Variants in BLNK observed in about 807,000 individuals in gnomAD.
BLNK encodes B cell linker.
BLNK carries 29 observed loss-of-function variants against 73.5 expected under a neutral mutation model. The ratio of observed to expected loss-of-function variants is 0.39; its 90% CI spans 0.29 to 0.54. The LOEUF is 0.54. Among genes scored for constraint, BLNK ranks in the 20% least tolerant of loss-of-function variants. The pLI, the probability that BLNK is intolerant of heterozygous loss-of-function variation, is 0.61. For missense variants in BLNK, 460 were observed against 562.8 expected (o/e 0.82, Z 1.85); for synonymous variants, 176 against 200.8 (o/e 0.88, Z 1.04).
At chr10:96,237,978 T>A (rs1842757657) in intron 3 of BLNK, among the ~76,000 whole-genome samples, 1 of 152,086 alleles carries the variant, frequency 6.6e-6, no homozygotes, top group Non-Finnish European at 1.5e-5. Context: ...CAGAACAGAG[T>A]CAATACTCAA....
At chr10:96,271,211 C>A in intron 1 of BLNK, 141 bp downstream of exon 1, 1 of 904,656 alleles carries the variant, frequency 1.1e-6, no homozygotes, top group Non-Finnish European at 1.8e-6. Context: ...TCCCTAAAAG[C>A]TCAGTCCACT....
chr10:96,222,733 A>G (rs953045659), intron 6 of BLNK, among the ~76,000 whole-genome samples: 33 of 152,298 alleles, frequency 2.2e-4, no homozygotes, highest in African/African-American at 7.2e-4. Context: ...CAGACTAGCT[A>G]TCTCCATTGT....
At position 96,190,201 on chromosome 10, in the gene BLNK, T is replaced by C. The variant is rs1204717006; in HGVS notation, c.*1772A>G. ...CTGGGCCTCAGGGGGCTCACGTCCATGTCCATCGAATCTTCCATCAGGTGG... is the reference window on the plus strand; with the variant it reads ...CTGGGCCTCAGGGGGCTCACGTCCACGTCCATCGAATCTTCCATCAGGTGG... On this transcript the variant is annotated 3_prime_UTR_variant, in exon 17 of 17. Coordinates refer to ENST00000224337, the MANE Select transcript of BLNK (RefSeq NM_013314.4). The C allele has an allele frequency of 2.6e-6, 2 of 777,038 alleles. No individual in the cohort carries two copies. The highest frequency in any genetic ancestry group is 3.4e-5 in the African/African-American group (2 of 59,178). 48.1% of individuals were successfully genotyped at this position (777,038 alleles called of 1,614,324 possible). A position where few individuals can be genotyped will look rare whatever the true frequency, so the allele number is the denominator to read the frequency against.
chr10:96,190,125 C>A lies in BLNK; in HGVS notation c.*1848G>T. ...GGTGCTCATTTTCATCATTATCCAC[C>A]TTAAAGTGATCATCTTTGTCGGCCT... On this transcript the variant is annotated 3_prime_UTR_variant, in exon 17 of 17. Coordinates refer to ENST00000224337, the MANE Select transcript of BLNK (RefSeq NM_013314.4). The A allele has an allele frequency of 1.0e-6, 1 of 998,012 alleles. No homozygotes were observed. The highest frequency in any genetic ancestry group is 1.3e-5 in the South Asian group (1 of 78,870). 61.8% of individuals were successfully genotyped at this position (998,012 alleles called of 1,614,324 possible).
chr10:96,204,538 G>T lies in BLNK; in HGVS notation c.896C>A (p.Ala299Asp). Residue 299 changes from alanine (A) to aspartate (D), a missense_variant, in exon 12 of 17, where the codon GCC becomes GAC. Around this residue, in one of 3 missense-constraint regions of BLNK, gnomAD observed 233 missense variants for 232.1 expected, o/e 1.00. Coordinates refer to ENST00000224337, the MANE Select transcript of BLNK (RefSeq NM_013314.4). ...EAVQSPVFPP[A>D]QKQIHQKPIP... ...TAAAGGAAAGGATTCTTACTTCTGG[G>T]CAGGAGGAAACACTGGTGACTGCAC... 2.5e-6 allele frequency: 4 copies of T among 1,613,966 alleles called. No individual in the cohort carries two copies. Among genetic ancestry groups the T allele is most frequent in the Non-Finnish European group, 2.5e-6 (3 of 1,179,880 alleles).
chr10:96,254,780 G>A (rs544712171), intron 1 of BLNK, among the ~76,000 whole-genome samples: 72 of 152,240 alleles, frequency 4.7e-4, no homozygotes, highest in African/African-American at 1.7e-3. Context: ...CAAATTGCTG[G>A]GATTACAGGC....
chr10:96,237,032 G>A (rs587626467), intron 3 of BLNK, among the ~76,000 whole-genome samples: 111 of 152,160 alleles, frequency 7.3e-4, no homozygotes, highest in African/African-American at 2.6e-3. Flanking sequence ...GCTTGGGTTG[G>A]GCAATCCTTC....
chr10:96,254,667 C>T (rs1423277258), intron 1 of BLNK, among the ~76,000 whole-genome samples: 6 of 152,158 alleles, frequency 3.9e-5, no homozygotes, highest in African/African-American at 7.2e-5. Context: ...CCTGCCACCA[C>T]GCCTGGCTAA....
chr10:96,216,680 C>T lies in BLNK; in HGVS notation c.580G>A (p.Glu194Lys). Residue 194 changes from glutamate to lysine, a missense_variant, in exon 7 of 17, where the codon GAA (glutamate) becomes AAA (lysine). Glu to Lys is a moderately conservative substitution (Grantham distance 56). Around this residue, in one of 3 missense-constraint regions of BLNK, gnomAD observed 233 missense variants for 232.1 expected, o/e 1.00. Transcript: ENST00000224337. ...TTTTCAGGTGGAGGTGAACTGCTTT[C>T]TGTGGGATGAATATAGTTTTCATCA... ...DNDENYIHPTESSSPPPEKAP... is the reference protein window; with the variant it reads ...DNDENYIHPTKSSSPPPEKAP... 2 of 1,614,122 alleles carry T rather than the reference C, an allele frequency of 1.2e-6. No individual in the cohort carries two copies. The highest frequency in any genetic ancestry group is 8.5e-7 in the Non-Finnish European group (1 of 1,179,998).
intron 12 of BLNK, 61 bp from the exon 13 acceptor site, chr10:96,204,149 T>C: frequency 6.5e-7 from 1 of 1,543,528 alleles, no homozygotes; most frequent in Non-Finnish European, 9.0e-7. Flanking sequence ...GTTTGACTTT[T>C]TGTTTACACT....
In BLNK at chr10:96,191,070, G is replaced by A. The variant is rs2083320837; in HGVS notation, c.*903C>T. Among the ~76,000 whole-genome samples, 1 of 152,084 alleles carries A rather than the reference G, an allele frequency of 6.6e-6. No homozygotes were observed. The highest frequency in any genetic ancestry group is 2.4e-5 in the African/African-American group (1 of 41,404). ...CGGGCAGGTTTTCCCATGTTGTTGT[G>A]ATAGTGAGTAAGTCTCATGAGATCT... is the stretch of plus-strand genomic sequence containing the variant. On this transcript the variant is annotated 3_prime_UTR_variant, in exon 17 of 17. Transcript: ENST00000224337.
chr10:96,236,309 A>C (rs782056629), intron 3 of BLNK, among the ~76,000 whole-genome samples: 11 of 152,234 alleles, frequency 7.2e-5, no homozygotes, highest in African/African-American at 2.6e-4. Context: ...GCAGCAGGAC[A>C]CAGAAGGAAG....
intron 3 of BLNK, among the ~76,000 whole-genome samples, chr10:96,240,162 T>G (rs183061575): frequency 1.3e-5 from 2 of 152,332 alleles, no homozygotes; most frequent in Admixed American, 1.3e-4. Flanking sequence ...CTGTTTGCTT[T>G]CTTGTTTCTT....
At chr10:96,249,565 T>C (rs1591357131) in intron 1 of BLNK, among the ~76,000 whole-genome samples, 1 of 152,360 alleles carries the variant, frequency 6.6e-6, no homozygotes, top group East Asian at 1.9e-4. Flanking sequence ...GGGAGATTGC[T>C]CAAACGTAAA....
rs78704458 is a variant in BLNK at position 96,271,306 on chromosome 10, G to T, written c.47+46C>A. 2,104 of 1,595,286 alleles carry T rather than the reference G, an allele frequency of 1.3e-3. 28 individuals carry two copies. The African/African-American group carries it at 0.026, about 20-fold the overall frequency. On this transcript the variant is annotated intron_variant, in intron 1 of 16. Coordinates refer to ENST00000224337, the MANE Select transcript of BLNK (RefSeq NM_013314.4). ...CTGAGATGCCATAAGAGCACTGGGGGGAAAAAAAGGAGATGAAGAAGGGTA... is the reference window on the plus strand; with the variant it reads ...CTGAGATGCCATAAGAGCACTGGGGTGAAAAAAAGGAGATGAAGAAGGGTA...
chr10:96,202,315 G>T (rs2083666646), intron 13 of BLNK, among the ~76,000 whole-genome samples: 1 of 152,190 alleles, frequency 6.6e-6, no homozygotes, highest in African/African-American at 2.4e-5. Flanking sequence ...GGTGGCAACA[G>T]CAGAGTGGGG....
At chr10:96,252,443 A>G (rs1371970176) in intron 1 of BLNK, among the ~76,000 whole-genome samples, 1 of 152,066 alleles carries the variant, frequency 6.6e-6, no homozygotes, top group Non-Finnish European at 1.5e-5. Flanking sequence ...GCCTTTTTCT[A>G]TTGTGGGCCT....
At chr10:96,201,436 G>A (rs1366465306) in intron 13 of BLNK, among the ~76,000 whole-genome samples, 6 of 152,016 alleles carry the variant, frequency 3.9e-5, no homozygotes, top group Non-Finnish European at 8.8e-5. Flanking sequence ...TCCCTAAATT[G>A]TTTTTGTTTG....
intron 6 of BLNK, among the ~76,000 whole-genome samples, chr10:96,220,953 CTA>C (rs1591322120): frequency 1.3e-5 from 2 of 152,228 alleles, no homozygotes; most frequent in East Asian, 3.8e-4. Flanking sequence ...GGCTCATACC[CTA>C]TTACTTAGCC....
Sources: allele counts gnomAD v4.1 joint callset (sites outside exome capture counted in the v4.1 genomes callset), GRCh38; gene constraint gnomAD v4.1.1; regional missense constraint gnomAD v4.1.1; transcripts MANE v1.5; gene names NCBI Gene and HGNC (gene_info 2026-07-23, HGNC 2026-07-21).